ADGRA1: variants seen among roughly 807,000 people sequenced by gnomAD.
ADGRA1 encodes the protein adhesion G protein-coupled receptor A1, also known as G-protein coupled receptor 123.
ADGRA1 carries 12 observed loss-of-function variants against 21.3 expected under a neutral mutation model. The observed-to-expected ratio is 0.56, with a 90% CI of 0.36 to 0.91. ADGRA1 has a LOEUF of 0.91. ADGRA1 is among the 40% of genes least tolerant of loss of function. The probability of loss-of-function intolerance (pLI) is 0.01; values close to 1 mark genes in which losing one functional copy is unlikely to be tolerated. For missense variants in ADGRA1, 790 were observed against 805.6 expected (o/e 0.98, Z 0.23); for synonymous variants, 385 against 368.8 (o/e 1.04, Z -0.50).
intron 2 of ADGRA1, 103 bp from the exon 3 acceptor site, chr10:133,096,871 G>A (rs947788486): frequency 7.2e-7 from 1 of 1,391,940 alleles, no homozygotes; most frequent in African/African-American, 1.4e-5. Context: ...AATGCCTGGA[G>A]CGGCTGCAGG....
In ADGRA1 at chr10:133,100,518, C is replaced by T. The variant is rs577895101; in HGVS notation, c.255+1755C>T. 8.5e-5 allele frequency among the ~76,000 whole-genome samples: 13 copies of T among 152,304 alleles called. No homozygotes were observed. In the East Asian group the frequency reaches 2.1e-3, roughly 25 times the overall value. ...ACGGAGCTCCTGGGGCCCAGGCCTG[C>T]GGTGACAGCTCGGGGCGGATGCTGG... is the stretch of plus-strand genomic sequence containing the variant. On this transcript the variant is annotated intron_variant, in intron 4 of 6. Coordinates refer to ENST00000392607, the MANE Select transcript of ADGRA1 (RefSeq NM_001083909.3).
intron 3 of ADGRA1, among the ~76,000 whole-genome samples, chr10:133,097,978 G>T (rs1253356014): frequency 6.6e-6 from 1 of 152,308 alleles, no homozygotes; most frequent in African/African-American, 2.4e-5. Flanking sequence ...TCAGCTTGGT[G>T]GTTAGTGCCG....
chr10:133,111,898 TCCCTCCTAATGCCTCCAGACCACCTGCCC>T, intron 5 of ADGRA1, among the ~76,000 whole-genome samples: 3 of 104,522 alleles, frequency 2.9e-5, no homozygotes, highest in African/African-American at 3.7e-5. Context: ...CACAGACACC[TCCCTCCTAATGCCTCCAGACCACCTGCCC>T]GCCGTGAGCA....
rs1852508660 is a variant in ADGRA1 at position 133,130,840 on chromosome 10, T to G, written c.*1329T>G. The stretch of plus-strand genomic sequence containing the variant: ...GCACACACACCCAAACACGTGCATA[T>G]CACACACACGCACACACACAAACAC... On this transcript the variant is annotated 3_prime_UTR_variant, in exon 7 of 7. Coordinates refer to ENST00000392607, the MANE Select transcript of ADGRA1 (RefSeq NM_001083909.3). The G allele has an allele frequency of 7.1e-6, 1 of 140,990 alleles. No individual in the cohort carries two copies. Among genetic ancestry groups the G allele is most frequent in the Non-Finnish European group, 1.5e-5 (1 of 66,282 alleles). The allele number at this position is 140,990 out of a possible 1,614,324, so 8.7% of individuals were successfully genotyped here.
At chr10:133,123,297 G>A (rs1024780539) in intron 5 of ADGRA1, among the ~76,000 whole-genome samples, 3 of 152,184 alleles carry the variant, frequency 2.0e-5, no homozygotes, top group Admixed American at 6.5e-5. Context: ...CTTCTGGGCC[G>A]CCCACTCTTC....
intron 5 of ADGRA1, among the ~76,000 whole-genome samples, chr10:133,114,550 G>A (rs993183059): frequency 9.9e-5 from 15 of 152,220 alleles, no homozygotes; most frequent in Non-Finnish European, 1.8e-4. Context: ...CCCGACACCC[G>A]CGGCGTCCTC....
chr10:133,098,516 T>C, intron 3 of ADGRA1, 124 bp from the exon 4 acceptor site: 1 of 1,186,978 alleles, frequency 8.4e-7, no homozygotes, highest in Non-Finnish European at 1.2e-6. Context: ...CTCGGACAGC[T>C]GCCCCTGACC....
chr10:133,096,728 AG>A (rs1197210520), intron 2 of ADGRA1, among the ~76,000 whole-genome samples: 2 of 152,230 alleles, frequency 1.3e-5, no homozygotes, highest in Non-Finnish European at 2.9e-5. Flanking sequence ...TGGCCAGCAG[AG>A]CCAGTGGAGG....
At chr10:133,128,308 C>A in intron 6 of ADGRA1, 21 bp from the exon 7 acceptor site, 1 of 1,509,630 alleles carries the variant, frequency 6.6e-7, no homozygotes, top group South Asian at 1.3e-5. Context: ...CCCGCTGACA[C>A]TGACGTGCGT....
In ADGRA1 at chr10:133,116,008, A is replaced by G. The variant is rs370527062; in HGVS notation, c.402-11225A>G. ...TTCTCCCTCCCTCTTTTCCCTCCCCATTCCCCTCTCCCTCCCCCTCATTCC... is the reference window on the plus strand; with the variant it reads ...TTCTCCCTCCCTCTTTTCCCTCCCCGTTCCCCTCTCCCTCCCCCTCATTCC... On this transcript the variant is annotated intron_variant, in intron 5 of 6. Coordinates refer to ENST00000392607, the MANE Select transcript of ADGRA1 (RefSeq NM_001083909.3). Among the ~76,000 whole-genome samples the G allele has an allele frequency of 3.5e-4, 22 of 62,248 alleles. No individual in the cohort carries two copies. The East Asian group carries it at 6.9e-3, about 19-fold the overall frequency. The allele number at this position is 62,248 out of a possible 152,430, so 40.8% of individuals were successfully genotyped here. A position where few individuals can be genotyped will look rare whatever the true frequency, so the allele number is the denominator to read the frequency against.
intron 2 of ADGRA1, chr10:133,095,763 G>C (rs1237912889): frequency 6.3e-7 from 1 of 1,598,674 alleles, no homozygotes; most frequent in Non-Finnish European, 8.5e-7. Context: ...CCCGCTGGCT[G>C]CCTGCATCCC....
chr10:133,093,297 G>A (rs749694437), intron 2 of ADGRA1: 78 of 1,547,992 alleles, frequency 5.0e-5, no homozygotes, highest in Non-Finnish European at 3.1e-5. Context: ...TAACTTGACC[G>A]ACTGCTTCCT....
intron 5 of ADGRA1, among the ~76,000 whole-genome samples, chr10:133,116,242 T>C (rs1852156255): frequency 6.6e-6 from 1 of 152,174 alleles, no homozygotes; most frequent in African/African-American, 2.4e-5. Context: ...AAAATGCTCC[T>C]GGGAACCGAG....
intron 2 of ADGRA1, 130 bp from the exon 3 acceptor site, chr10:133,096,844 C>A: frequency 8.5e-7 from 1 of 1,177,892 alleles, no homozygotes; most frequent in Non-Finnish European, 1.2e-6. Context: ...CCCCCCTTCC[C>A]TGAGACCCCA....
At chr10:133,105,147 C>G (rs1207979546) in intron 5 of ADGRA1, among the ~76,000 whole-genome samples, 1 of 152,226 alleles carries the variant, frequency 6.6e-6, no homozygotes, top group African/African-American at 2.4e-5. Context: ...ATCTTGCGGT[C>G]TGGGAGGGAA....
intron 2 of ADGRA1, chr10:133,093,193 C>T (rs770110629): frequency 6.3e-7 from 1 of 1,594,024 alleles, no homozygotes; most frequent in Non-Finnish European, 8.5e-7. Flanking sequence ...AGGAAGATTC[C>T]TTCAGGCAGC....
rs1852290014 is a variant in ADGRA1 at position 133,122,511 on chromosome 10, C to CTGTTT, written c.402-4722_402-4721insTGTTT. 2.0e-5 allele frequency among the ~76,000 whole-genome samples: 3 copies of CTGTTT among 152,256 alleles called. No individual in the cohort carries two copies. In the East Asian group the frequency reaches 5.8e-4, roughly 29 times the overall value. On this transcript the variant is annotated intron_variant, in intron 5 of 6. Coordinates refer to ENST00000392607, the MANE Select transcript of ADGRA1 (RefSeq NM_001083909.3). ...GTGCCCCCTCTACTGCGAAGCTCCA[C>CTGTTT]CTGCACCACAGGCCTGTTTCTTGTC...
intron 5 of ADGRA1, among the ~76,000 whole-genome samples, chr10:133,124,730 G>T (rs1340396933): frequency 1.3e-5 from 2 of 152,274 alleles, no homozygotes; most frequent in Non-Finnish European, 2.9e-5. Context: ...TGCCAGACGG[G>T]CGGGAACAAC....
Position 133,111,992 on chromosome 10 carries a change from TGCCTCCAGACCACCTG to T in ADGRA1, c.401+9151_401+9166del, listed in dbSNP as rs1564849750. 4.3e-3 allele frequency among the ~76,000 whole-genome samples: 435 copies of T among 101,728 alleles called. 91 individuals carry two copies. Among genetic ancestry groups the T allele is most frequent in the African/African-American group, 0.01 (275 of 26,568 alleles). 66.7% of individuals were successfully genotyped at this position (101,728 alleles called of 152,430 possible). On this transcript the variant is annotated intron_variant, in intron 5 of 6. Transcript: ENST00000392607. Reference sequence around the variant, plus strand: ...CCCACCACAGGCACCTCCCTCCTAATGCCTCCAGACCACCTGCCCACCACAGACACCTCCCTCCTAA... The same window carrying T: ...CCCACCACAGGCACCTCCCTCCTAATCCCACCACAGACACCTCCCTCCTAA...
Sources: allele counts gnomAD v4.1 joint callset (sites outside exome capture counted in the v4.1 genomes callset), GRCh38; gene constraint gnomAD v4.1.1; transcripts MANE v1.5; gene names NCBI Gene and HGNC (gene_info 2026-07-23, HGNC 2026-07-21).